MMS22L: variants seen among roughly 807,000 people sequenced by gnomAD.
MMS22L encodes protein MMS22-like.
Under a neutral mutation model 159.1 loss-of-function variants are expected in MMS22L, and 74 were observed. That is an observed-to-expected ratio of 0.47 (90% CI 0.39 to 0.56). The LOEUF is 0.56. MMS22L is among the 20% of genes least tolerant of loss of function. The probability of loss-of-function intolerance (pLI) is 0.00; values close to 1 mark genes in which losing one functional copy is unlikely to be tolerated. For missense variants in MMS22L, 1,351 were observed against 1,422.1 expected (o/e 0.95, Z 0.80); for synonymous variants, 517 against 506.9 (o/e 1.02, Z -0.27).
At chr6:97,162,737 C>A (rs184960654) in intron 21 of MMS22L, among the ~76,000 whole-genome samples, 1 of 151,858 alleles carries the variant, frequency 6.6e-6, no homozygotes, top group African/African-American at 2.4e-5. Context: ...CAAGACAAGA[C>A]AAAATTTAGT....
At chr6:97,164,959 ATT>A (rs1204067145) in intron 21 of MMS22L, among the ~76,000 whole-genome samples, 1 of 152,138 alleles carries the variant, frequency 6.6e-6, no homozygotes, top group African/African-American at 2.4e-5. Context: ...AAATACAAAT[ATT>A]GTTTATCTGA....
chr6:97,151,839 T>C lies in MMS22L; in HGVS notation c.3414A>G (p.Gln1138=). Residue 1138 remains glutamine, a synonymous_variant, in exon 23 of 25, where the codon CAA becomes CAG. Coordinates refer to ENST00000683635, the MANE Select transcript of MMS22L (RefSeq NM_001350599.2). The part of the protein sequence containing the change: ...QVKRLATENL[Q]YMVKACQVGS... ...CCACTTGGCAGGCTTTTACCATGTA[T>C]TGCAGGTTCTCTGTGGCCAGCCTTT... The C allele has an allele frequency of 1.9e-6, 3 of 1,613,670 alleles. No individual in the cohort carries two copies. Among genetic ancestry groups the C allele is most frequent in the Non-Finnish European group, 1.7e-6 (2 of 1,179,682 alleles).
chr6:97,186,721 C>T (rs1330416246), intron 14 of MMS22L, 31 bp from the exon 15 acceptor site: 4 of 1,405,018 alleles, frequency 2.8e-6, no homozygotes, highest in Non-Finnish European at 3.8e-6. Flanking sequence ...AGCTAACACC[C>T]TTAATAAATG....
At chr6:97,179,385 C>A in intron 17 of MMS22L, 23 bp downstream of exon 17, 2 of 1,603,646 alleles carry the variant, frequency 1.2e-6, no homozygotes, top group South Asian at 1.1e-5. Flanking sequence ...CCCATCCTCC[C>A]CAAAAAACGT....
intron 14 of MMS22L, among the ~76,000 whole-genome samples, chr6:97,223,815 A>G (rs1003334916): frequency 2.0e-5 from 3 of 152,166 alleles, no homozygotes; most frequent in African/African-American, 7.2e-5. Context: ...TCCAAGTCAT[A>G]GTTCCTTTTA....
At chr6:97,169,454 A>C (rs1254619819) in intron 19 of MMS22L, among the ~76,000 whole-genome samples, 1 of 152,154 alleles carries the variant, frequency 6.6e-6, no homozygotes, top group Non-Finnish European at 1.5e-5. Flanking sequence ...GAAAGCAAAA[A>C]CGATAAAATT....
At chr6:97,151,703 TA>T in intron 23 of MMS22L, 67 bp downstream of exon 23, 1 of 1,231,034 alleles carries the variant, frequency 8.1e-7, no homozygotes, top group Non-Finnish European at 1.2e-6. Context: ...ATTAGTTATT[TA>T]AAAAACATGT....
intron 19 of MMS22L, among the ~76,000 whole-genome samples, chr6:97,172,776 G>C (rs926179186): frequency 1.3e-5 from 2 of 152,096 alleles, no homozygotes; most frequent in Middle Eastern, 3.2e-3. Context: ...TTCAGGTATT[G>C]AAATGTGACT....
In MMS22L at chr6:97,277,604, C is replaced by T. The variant is rs114593759; in HGVS notation, c.340+1245G>A. On this transcript the variant is annotated intron_variant, in intron 4 of 24. Coordinates refer to ENST00000683635, the MANE Select transcript of MMS22L (RefSeq NM_001350599.2). ...AACACATCCTCCCTCTTCCAGTGAC[C>T]AGGACAATACTTTTTTACTAATTAG... 3.0e-3 allele frequency among the ~76,000 whole-genome samples: 457 copies of T among 151,970 alleles called. 2 individuals carry two copies. Among genetic ancestry groups the T allele is most frequent in the African/African-American group, 0.01 (424 of 41,456 alleles).
At chr6:97,256,417 T>C (rs1813815799) in intron 9 of MMS22L, among the ~76,000 whole-genome samples, 2 of 152,222 alleles carry the variant, frequency 1.3e-5, no homozygotes, top group African/African-American at 4.8e-5. Context: ...TCTTTGCTCT[T>C]TATTCCTTCT....
intron 9 of MMS22L, among the ~76,000 whole-genome samples, chr6:97,257,318 G>T (rs775819694): frequency 6.6e-6 from 1 of 152,084 alleles, no homozygotes; most frequent in African/African-American, 2.4e-5. Flanking sequence ...GCAATCATAA[G>T]GTGCATTTAG....
Position 97,273,045 on chromosome 6 carries a change from G to A in MMS22L, c.358C>T (p.His120Tyr), listed in dbSNP as rs772651573. 254 of 1,609,716 alleles carry A rather than the reference G, an allele frequency of 1.6e-4. No homozygotes were observed. The highest frequency in any genetic ancestry group is 2.1e-4 in the Non-Finnish European group (251 of 1,179,110). The change falls in exon 5 of 25, where the codon CAC becomes TAC. Residue 120 changes from histidine (H) to tyrosine (Y), a missense_variant. Physicochemically the swap from His to Tyr is moderately conservative, Grantham distance 83. Coordinates refer to ENST00000683635, the MANE Select transcript of MMS22L (RefSeq NM_001350599.2). ...TGCCTAATATTGTCTGCTTTGCAGT[G>A]TAGAGTTGATACCTTCCCTGAAACC... ...SCDFGKVSTL[H>Y]CKADNIRQQC...
intron 14 of MMS22L, among the ~76,000 whole-genome samples, chr6:97,207,164 A>C (rs1257947849): frequency 6.6e-6 from 1 of 152,192 alleles, no homozygotes; most frequent in African/African-American, 2.4e-5. Context: ...AAAAGATTTT[A>C]ATGTTCCACT....
Position 97,189,898 on chromosome 6 carries a change from T to C in MMS22L, c.2040-3208A>G, listed in dbSNP as rs62413920. Among the ~76,000 whole-genome samples the C allele has an allele frequency of 8.7e-3, 1,331 of 152,290 alleles. 8 individuals carry two copies. The highest frequency in any genetic ancestry group is 0.014 in the Middle Eastern group (4 of 292). On this transcript the variant is annotated intron_variant, in intron 14 of 24. Coordinates refer to ENST00000683635, the MANE Select transcript of MMS22L (RefSeq NM_001350599.2). ...GTTGTTTAAGACCTTATAATAATAA[T>C]TTATTTAAGCATAAAGAAATCAGTG...
At chr6:97,176,929 G>T (rs2128263933) in intron 18 of MMS22L, among the ~76,000 whole-genome samples, 1 of 152,080 alleles carries the variant, frequency 6.6e-6, no homozygotes, top group East Asian at 1.9e-4. Flanking sequence ...GATAATCTTG[G>T]GGAGACCTGA....
chr6:97,274,585 C>T (rs568126224), intron 4 of MMS22L, among the ~76,000 whole-genome samples: 1 of 152,218 alleles, frequency 6.6e-6, no homozygotes, highest in East Asian at 1.9e-4. Flanking sequence ...CAGCTCCCCA[C>T]CTAGAGACAG....
At chr6:97,176,676 G>T (rs548025332) in intron 18 of MMS22L, among the ~76,000 whole-genome samples, 1 of 152,288 alleles carries the variant, frequency 6.6e-6, no homozygotes, top group African/African-American at 2.4e-5. Context: ...TGGGCACTGA[G>T]TCACTAAGGA....
intron 12 of MMS22L, 75 bp downstream of exon 12, chr6:97,233,786 A>G: frequency 2.1e-6 from 3 of 1,452,794 alleles, no homozygotes. Context: ...ATTCATAATT[A>G]AACCATAAAG....
chr6:97,246,789 C>A, intron 10 of MMS22L, 99 bp from the exon 11 acceptor site: 1 of 737,738 alleles, frequency 1.4e-6, no homozygotes, highest in South Asian at 2.0e-5. Flanking sequence ...ACATTTTCCT[C>A]TATCATTCAG....
Sources: allele counts gnomAD v4.1 joint callset (sites outside exome capture counted in the v4.1 genomes callset), GRCh38; gene constraint gnomAD v4.1.1; transcripts MANE v1.5; gene names NCBI Gene and HGNC (gene_info 2026-07-23, HGNC 2026-07-21).